The following BTRC variants were observed in gnomAD, a reference collection of about 807,000 sequenced individuals.
BTRC encodes beta-transducin repeat containing E3 ubiquitin protein ligase, also known as F-box/WD repeat-containing protein 1A.
In BTRC, 42 loss-of-function variants were observed where a neutral mutation model predicts 85.5. That is an observed-to-expected ratio of 0.49 (90% confidence interval 0.38 to 0.64). BTRC has a LOEUF of 0.64. Among genes scored for constraint, BTRC ranks in the 30% least tolerant of loss-of-function variants. BTRC has a pLI of 0.00. For synonymous variants in BTRC, 255 were observed against 263.3 expected (o/e 0.97, Z 0.30); for missense variants, 594 against 743.5 (o/e 0.80, Z 2.34).
chr10:101,522,072 G>A (rs1384449338), intron 5 of BTRC, among the ~76,000 whole-genome samples: 3 of 108,036 alleles, frequency 2.8e-5, no homozygotes, highest in African/African-American at 1.1e-4. Context: ...TTGCCCTGTC[G>A]CCCAGGCTGG....
At chr10:101,506,496 T>C (rs1002320832) in intron 4 of BTRC, among the ~76,000 whole-genome samples, 5 of 152,198 alleles carry the variant, frequency 3.3e-5, no homozygotes, top group Non-Finnish European at 5.9e-5. Flanking sequence ...GTTATCAGTC[T>C]TGGGGGTGGG....
At chr10:101,435,776 AT>A (rs1944512927) in intron 2 of BTRC, among the ~76,000 whole-genome samples, 3 of 152,158 alleles carry the variant, frequency 2.0e-5, no homozygotes, top group African/African-American at 7.2e-5. Flanking sequence ...CAGTGAAGCA[AT>A]TCTTCAAAGT....
At chr10:101,357,136 C>A (rs1942058989) in intron 1 of BTRC, among the ~76,000 whole-genome samples, 1 of 143,556 alleles carries the variant, frequency 7.0e-6, no homozygotes, top group Admixed American at 7.0e-5. Flanking sequence ...CTCAAAAAAA[C>A]AAACAAACAA....
chr10:101,361,504 A>T (rs745817943), intron 1 of BTRC, among the ~76,000 whole-genome samples: 91 of 152,384 alleles, frequency 6.0e-4, no homozygotes, highest in Middle Eastern at 3.4e-3. Flanking sequence ...TTAACAACTT[A>T]GTCAATAAAA....
In BTRC at chr10:101,406,524, C is replaced by CTTTT. The variant is rs58902120; in HGVS notation, c.49-23796_49-23793dup. On this transcript the variant is annotated intron_variant, in intron 1 of 14. Transcript: ENST00000370187. The stretch of plus-strand genomic sequence containing the variant: ...ATGTTAACATAGCCATCTCAGGTTT[C>CTTTT]TTTTTTTTTTTTTTTTTTTTTTTTT... Among the ~76,000 whole-genome samples the CTTTT allele has an allele frequency of 7.5e-4, 38 of 50,434 alleles. 3 individuals are homozygous for CTTTT. Among genetic ancestry groups the CTTTT allele is most frequent in the South Asian group, 9.8e-4 (1 of 1,016 alleles). 33.1% of individuals were successfully genotyped at this position (50,434 alleles called of 152,430 possible).
Position 101,526,073 on chromosome 10 carries a change from G to T in BTRC, c.617G>T (p.Cys206Phe). The T allele has an allele frequency of 6.2e-7, 1 of 1,614,144 alleles. No individual in the cohort carries two copies. Among genetic ancestry groups the T allele is most frequent in the Non-Finnish European group, 8.5e-7 (1 of 1,180,034 alleles). ...TCATACCTGGATGCCAAATCACTAT[G>T]TGCTGCTGAACTTGTGTGCAAGGAA... ...ILSYLDAKSL[C>F]AAELVCKEWY... Residue 206 changes from cysteine to phenylalanine, a missense_variant, in exon 6 of 15, where the codon TGT becomes TTT. Coordinates refer to ENST00000370187, the MANE Select transcript of BTRC (RefSeq NM_033637.4).
chr10:101,370,343 G>T (rs1000320179), intron 1 of BTRC, among the ~76,000 whole-genome samples: 1 of 151,940 alleles, frequency 6.6e-6, no homozygotes, highest in Admixed American at 6.6e-5. Flanking sequence ...CAAACTCCTG[G>T]ACTCAAGTGA....
chr10:101,480,493 G>C (rs960538809), intron 4 of BTRC, among the ~76,000 whole-genome samples: 18 of 152,310 alleles, frequency 1.2e-4, no homozygotes, highest in African/African-American at 3.6e-4. Flanking sequence ...CTGCCTCATA[G>C]ATGGTGCCTT....
intron 4 of BTRC, among the ~76,000 whole-genome samples, chr10:101,491,236 TC>T (rs1946124979): frequency 7.5e-6 from 1 of 133,956 alleles, no homozygotes; most frequent in Admixed American, 7.2e-5. Context: ...GACAACTGGT[TC>T]AGGGTGGTGA....
At chr10:101,507,422 G>A (rs1037101601) in intron 4 of BTRC, among the ~76,000 whole-genome samples, 4 of 152,312 alleles carry the variant, frequency 2.6e-5, no homozygotes, top group East Asian at 1.9e-4. Flanking sequence ...AAGTTAACAC[G>A]ATAAAGGCTC....
chr10:101,518,006 G>A (rs1399012071), intron 4 of BTRC, among the ~76,000 whole-genome samples: 1 of 146,758 alleles, frequency 6.8e-6, no homozygotes. Context: ...TCCGCCTCCC[G>A]GGTTCACGCC....
chr10:101,422,923 T>C (rs552139028), intron 1 of BTRC, among the ~76,000 whole-genome samples: 2 of 152,330 alleles, frequency 1.3e-5, no homozygotes, highest in Admixed American at 6.5e-5. Flanking sequence ...GCTTTGTTCT[T>C]TTGGCTTAGG....
At chr10:101,525,981 T>C in intron 5 of BTRC, 32 bp from the exon 6 acceptor site, 6 of 1,604,194 alleles carry the variant, frequency 3.7e-6, no homozygotes, top group Non-Finnish European at 4.3e-6. Context: ...CCTTCTGTGT[T>C]CTTTTTCTTT....
chr10:101,485,259 C>A (rs941860810), intron 4 of BTRC, among the ~76,000 whole-genome samples: 6 of 152,164 alleles, frequency 3.9e-5, no homozygotes, highest in Admixed American at 3.9e-4. Flanking sequence ...AGAGTAATTG[C>A]TTGTGCAGTC....
chr10:101,396,919 C>T (rs770626229), intron 1 of BTRC, among the ~76,000 whole-genome samples: 41 of 151,910 alleles, frequency 2.7e-4, no homozygotes, highest in Non-Finnish European at 5.3e-4. Context: ...TCTCCTGCCT[C>T]AGCCTCCAAA....
At chr10:101,549,216 C>T (rs2062606849) in intron 13 of BTRC, among the ~76,000 whole-genome samples, 1 of 145,532 alleles carries the variant, frequency 6.9e-6, no homozygotes, top group Non-Finnish European at 1.5e-5. Context: ...AGAAGGACTG[C>T]TTGGTCTTGA....
intron 13 of BTRC, among the ~76,000 whole-genome samples, chr10:101,549,396 A>C (rs1319015963): frequency 1.3e-5 from 2 of 151,854 alleles, no homozygotes; most frequent in South Asian, 4.2e-4. Flanking sequence ...ACACTACCGC[A>C]TTCTAGCCTA....
intron 1 of BTRC, among the ~76,000 whole-genome samples, chr10:101,378,486 G>A (rs990254760): frequency 6.6e-5 from 10 of 150,466 alleles, no homozygotes; most frequent in East Asian, 3.9e-4. Context: ...ATTTGCTACC[G>A]AGTTCTCAGT....
At chr10:101,518,243 T>C (rs1426212493) in intron 4 of BTRC, among the ~76,000 whole-genome samples, 1 of 152,178 alleles carries the variant, frequency 6.6e-6, no homozygotes. Flanking sequence ...TCCTTCTATT[T>C]ATGTCCCATA....
Sources: allele counts gnomAD v4.1 joint callset (sites outside exome capture counted in the v4.1 genomes callset), GRCh38; gene constraint gnomAD v4.1.1; transcripts MANE v1.5; gene names NCBI Gene and HGNC (gene_info 2026-07-23, HGNC 2026-07-21).